Variants in CACNA1B observed in about 807,000 individuals in gnomAD.
CACNA1B encodes voltage-dependent N-type calcium channel subunit alpha-1B.
In CACNA1B, 70 loss-of-function variants were observed where a neutral mutation model predicts 247.2. The ratio of observed to expected loss-of-function variants is 0.28; its 90% confidence interval spans 0.23 to 0.35. The LOEUF is 0.35. Ranked by LOEUF, CACNA1B falls within the 10% of genes least tolerant of loss-of-function variation. The probability of loss-of-function intolerance (pLI) is 1.00; values close to 1 mark genes in which losing one functional copy is unlikely to be tolerated. For missense variants in CACNA1B, 2,367 were observed against 3,197.4 expected, an observed-to-expected ratio of 0.74 and a Z score of 6.26; for synonymous variants, 1,231 against 1,294.4, an observed-to-expected ratio of 0.95 and a Z score of 1.05.
Position 138,051,697 on chromosome 9 carries a change from A to G in CACNA1B, c.3711-395A>G, listed in dbSNP as rs1016263443. 8.5e-5 allele frequency among the ~76,000 whole-genome samples: 13 copies of G among 152,116 alleles called. No homozygotes were observed. The highest frequency in any genetic ancestry group is 1.9e-4 in the East Asian group (1 of 5,172). ...CTCTAGCCAGCCCAAAAAGCAAGGA[A>G]AAAAGCCCTTCCAGAAGATTCTCGC... On this transcript the variant is annotated intron_variant, in intron 24 of 46. Transcript: ENST00000371372. The surrounding 1 kb of genome is among the most constrained non-coding windows in gnomAD (Gnocchi z 4.3).
rs761037753 is a variant in CACNA1B at position 137,881,604 on chromosome 9, C to T, written c.391-1140C>T. 9.2e-5 allele frequency among the ~76,000 whole-genome samples: 14 copies of T among 152,302 alleles called. No individual in the cohort carries two copies. The highest frequency in any genetic ancestry group is 7.7e-4 in the East Asian group (4 of 5,186). On this transcript the variant is annotated intron_variant, in intron 2 of 46. Transcript: ENST00000371372. This position sits in a 1 kb window ranked among gnomAD's most constrained non-coding sequence, Gnocchi z 4.3. ...GCAGCAGCCCTGGAGTGCAGGTGTC[C>T]GACACCCCCATGCCAACCCTGCACA...
At chr9:138,101,455 G>A (rs1190715736) in intron 37 of CACNA1B, among the ~76,000 whole-genome samples, 1 of 152,232 alleles carries the variant, frequency 6.6e-6, no homozygotes, top group Non-Finnish European at 1.5e-5. Flanking sequence ...GGGAGATGGG[G>A]GCTAGGTCCC....
intron 36 of CACNA1B, among the ~76,000 whole-genome samples, chr9:138,082,009 TTAAA>T (rs770719987): frequency 2.6e-5 from 4 of 150,948 alleles, no homozygotes; most frequent in Admixed American, 6.6e-5. Context: ...TAACATAAAA[TTAAA>T]TAACTAAATG....
intron 13 of CACNA1B, among the ~76,000 whole-genome samples, chr9:137,985,829 G>T (rs1195597641): frequency 6.6e-6 from 1 of 152,228 alleles, no homozygotes; most frequent in Non-Finnish European, 1.5e-5. Context: ...TGCCCTCTGG[G>T]ATGGGAAGCG....
chr9:137,964,092 A>G (rs1195238285), intron 10 of CACNA1B, among the ~76,000 whole-genome samples: 1 of 152,136 alleles, frequency 6.6e-6, no homozygotes, highest in African/African-American at 2.4e-5. Flanking sequence ...TTTGCAGGTG[A>G]CCTGGCCTTT....
intron 5 of CACNA1B, among the ~76,000 whole-genome samples, chr9:137,916,351 T>A (rs982874477): frequency 6.6e-6 from 1 of 152,272 alleles, no homozygotes; most frequent in African/African-American, 2.4e-5. Context: ...TTAAAAATAT[T>A]TTTTTTCGGC....
chr9:137,946,837 C>T (rs375630235), intron 6 of CACNA1B, among the ~76,000 whole-genome samples: 1 of 152,202 alleles, frequency 6.6e-6, no homozygotes, highest in African/African-American at 2.4e-5. Flanking sequence ...AAAAATAACT[C>T]CCAAACTTTG....
chr9:138,120,582 G>A (rs973706362), intron 45 of CACNA1B, 49 bp from the exon 46 acceptor site: 1 of 1,464,482 alleles, frequency 6.8e-7, no homozygotes, highest in South Asian at 1.4e-5. Context: ...GGGGTCAGGG[G>A]TCCCTGCCTT....
rs1962188698 is a variant in CACNA1B at position 138,124,100 on chromosome 9, A to G, written c.*2101A>G. 1.3e-5 allele frequency: 2 copies of G among 152,280 alleles called. No individual in the cohort carries two copies. Among genetic ancestry groups the G allele is most frequent in the South Asian group, 2.1e-4 (1 of 4,826 alleles). The allele number at this position is 152,280 out of a possible 1,614,324, so 9.4% of individuals were successfully genotyped here. On this transcript the variant is annotated 3_prime_UTR_variant, in exon 47 of 47. Coordinates refer to ENST00000371372, the MANE Select transcript of CACNA1B (RefSeq NM_000718.4). The stretch of plus-strand genomic sequence containing the variant: ...ACTACAGGGAGCGGGGAAAGGAGAC[A>G]TTATGTCTTGTTTTCCTGACTTTGG...
chr9:137,900,934 CTCTG>C (rs1211163081), intron 3 of CACNA1B, among the ~76,000 whole-genome samples: 3 of 132,872 alleles, frequency 2.3e-5, no homozygotes, highest in Admixed American at 1.6e-4. Context: ...CATGGTGTGT[CTCTG>C]TCTGTGCCTT....
At chr9:137,887,147 G>C (rs2133232228) in intron 3 of CACNA1B, among the ~76,000 whole-genome samples, 1 of 152,168 alleles carries the variant, frequency 6.6e-6, no homozygotes, top group African/African-American at 2.4e-5. Context: ...GTTCTAGGAA[G>C]GAAGAGCATG....
chr9:137,879,824 G>A (rs933150385), intron 2 of CACNA1B, among the ~76,000 whole-genome samples: 3 of 152,196 alleles, frequency 2.0e-5, no homozygotes, highest in African/African-American at 7.2e-5. Context: ...TGGGGTCTCT[G>A]GAGGGGCTGG....
chr9:137,932,120 G>T (rs757785857), intron 6 of CACNA1B, among the ~76,000 whole-genome samples: 3 of 152,206 alleles, frequency 2.0e-5, no homozygotes, highest in African/African-American at 7.2e-5. Flanking sequence ...CTGCCAAGGA[G>T]TCTGTCTGAT....
intron 12 of CACNA1B, among the ~76,000 whole-genome samples, chr9:137,979,273 C>T (rs1958265675): frequency 6.6e-6 from 1 of 152,188 alleles, no homozygotes; most frequent in African/African-American, 2.4e-5. Context: ...AGGATATGGT[C>T]ATTCCACGGC....
chr9:138,094,297 A>G (rs1449417826), intron 36 of CACNA1B, among the ~76,000 whole-genome samples: 2 of 152,112 alleles, frequency 1.3e-5, no homozygotes, highest in East Asian at 1.9e-4. Context: ...ATGGATACAG[A>G]GTTTCAGTTT....
In CACNA1B at chr9:138,010,520, A is replaced by T. The variant is rs1958710830; in HGVS notation, c.2160+443A>T. ...GTCTCCCTCTGTGATATCCCTCCGG[A>T]TGACACAGTCCCCTCCTGGTCATGC... On this transcript the variant is annotated intron_variant, in intron 17 of 46. Coordinates refer to ENST00000371372, the MANE Select transcript of CACNA1B (RefSeq NM_000718.4). This position sits in a 1 kb window ranked among gnomAD's most constrained non-coding sequence, Gnocchi z 5.3. 6.6e-6 allele frequency among the ~76,000 whole-genome samples: 1 copy of T among 152,104 alleles called. No individual in the cohort carries two copies. The highest frequency in any genetic ancestry group is 2.4e-5 in the African/African-American group (1 of 41,394).
chr9:138,121,894 C>A lies in CACNA1B; in HGVS notation c.6915C>A (p.His2305Gln). The change falls in exon 47 of 47, where the codon CAC becomes CAA. Residue 2305 changes from histidine to glutamine, a missense_variant. His to Gln is a conservative substitution (Grantham distance 24). Transcript: ENST00000371372. This position sits in a 1 kb window ranked among gnomAD's most constrained non-coding sequence, Gnocchi z 6.8. ...TGTCCTCCCTGACCTCCCAGTCTCACCCTCTCCGCCGCGTGCCCAACGGTT... is the reference window on the plus strand; with the variant it reads ...TGTCCTCCCTGACCTCCCAGTCTCAACCTCTCCGCCGCGTGCCCAACGGTT... ...SYVSSLTSQS[H>Q]PLRRVPNGYH... 6.2e-7 allele frequency: 1 copy of A among 1,612,718 alleles called. No homozygotes were observed. Among genetic ancestry groups the A allele is most frequent in the South Asian group, 1.1e-5 (1 of 91,090 alleles).
At chr9:137,969,428 G>T (rs1458567674) in intron 10 of CACNA1B, among the ~76,000 whole-genome samples, 1 of 152,194 alleles carries the variant, frequency 6.6e-6, no homozygotes, top group Non-Finnish European at 1.5e-5. Flanking sequence ...GTGGGGGGCT[G>T]TGGCCCATTG....
Position 137,952,241 on chromosome 9 carries a change from T to C in CACNA1B, c.967-33T>C. The C allele has an allele frequency of 6.4e-7, 1 of 1,569,334 alleles. No homozygotes were observed. The highest frequency in any genetic ancestry group is 8.8e-7 in the Non-Finnish European group (1 of 1,139,518). Reference sequence around the variant, plus strand: ...TGTGGCCGGGACTGTGTTTTGTCCCTGTCCTTCCTCATCTCCCTCTCCTTG... The same window carrying C: ...TGTGGCCGGGACTGTGTTTTGTCCCCGTCCTTCCTCATCTCCCTCTCCTTG... On this transcript the variant is annotated intron_variant, in intron 6 of 46. Coordinates refer to ENST00000371372, the MANE Select transcript of CACNA1B (RefSeq NM_000718.4). The surrounding 1 kb of genome is among the most constrained non-coding windows in gnomAD (Gnocchi z 4.8).
Sources: allele counts gnomAD v4.1 joint callset (sites outside exome capture counted in the v4.1 genomes callset), GRCh38; gene constraint gnomAD v4.1.1; non-coding constraint Gnocchi (gnomAD v3.1); transcripts MANE v1.5; gene names NCBI Gene and HGNC (gene_info 2026-07-23, HGNC 2026-07-21).